Variants in EBF1 observed in about 807,000 individuals in gnomAD.
EBF1 encodes transcription factor COE1.
EBF1 carries 10 observed loss-of-function variants against 68.4 expected under a neutral mutation model. The observed-to-expected ratio is 0.15, with a 90% CI of 0.09 to 0.25. The LOEUF is 0.25. Among genes scored for constraint, EBF1 ranks in the 10% least tolerant of loss-of-function variants. The pLI, the probability that EBF1 is intolerant of heterozygous loss-of-function variation, is 1.00. For synonymous variants in EBF1, 298 were observed against 299.8 expected (o/e 0.99, Z 0.06); for missense variants, 509 against 794.4 (o/e 0.64, Z 4.32).
At chr5:158,825,924 T>TAA (rs758355276) in intron 7 of EBF1, among the ~76,000 whole-genome samples, 3 of 141,406 alleles carry the variant, frequency 2.1e-5, no homozygotes, top group African/African-American at 5.2e-5. Flanking sequence ...ACTTGTAAAT[T>TAA]AAAAAAAAAA....
chr5:158,709,174 G>C lies in EBF1; in HGVS notation c.1550-1001C>G, dbSNP rs1275960591. Among the ~76,000 whole-genome samples the C allele has an allele frequency of 5.9e-5, 9 of 152,212 alleles. 3 individuals are homozygous for C. Among genetic ancestry groups the C allele is most frequent in the Admixed American group, 5.9e-4 (9 of 15,284 alleles). ...CTTTCTATTTCCTCCATTTCCTGCA[G>C]GAAAGTATGTATCCTAGATATTTCT... On this transcript the variant is annotated intron_variant, in intron 14 of 15. Coordinates refer to ENST00000313708, the MANE Select transcript of EBF1 (RefSeq NM_024007.5).
chr5:158,931,978 T>C (rs1810981070), intron 6 of EBF1, among the ~76,000 whole-genome samples: 1 of 152,244 alleles, frequency 6.6e-6, no homozygotes, highest in Non-Finnish European at 1.5e-5. Context: ...ACCAGCCATA[T>C]GCTCTTTAAT....
intron 6 of EBF1, among the ~76,000 whole-genome samples, chr5:158,978,702 G>T (rs1757263753): frequency 6.6e-6 from 1 of 151,676 alleles, no homozygotes; most frequent in South Asian, 2.1e-4. Context: ...GGGCAAAGCT[G>T]CTTAATAGGC....
At chr5:159,009,902 T>A (rs1389976030) in intron 6 of EBF1, among the ~76,000 whole-genome samples, 1 of 152,202 alleles carries the variant, frequency 6.6e-6, no homozygotes, top group African/African-American at 2.4e-5. Flanking sequence ...TCTGCATAAT[T>A]TGTGGTTAGA....
chr5:158,876,713 T>C lies in EBF1; in HGVS notation c.555-36603A>G, dbSNP rs545106382. ...GGCATGAAAATACCTTTAGAATTTG[T>C]AAATCTCAAGGCAACCGAGTGAAAC... On this transcript the variant is annotated intron_variant, in intron 6 of 15. Transcript: ENST00000313708. Among the ~76,000 whole-genome samples the C allele has an allele frequency of 8.3e-4, 127 of 152,372 alleles. 1 individual carries two copies. The highest frequency in any genetic ancestry group is 1.1e-3 in the Non-Finnish European group (72 of 68,036).
At chr5:158,906,757 T>C (rs1804732567) in intron 6 of EBF1, among the ~76,000 whole-genome samples, 1 of 152,194 alleles carries the variant, frequency 6.6e-6, no homozygotes. Context: ...AACAATTTGC[T>C]CTTTGGTTCT....
At chr5:158,809,105 A>T (rs1199674234) in intron 8 of EBF1, among the ~76,000 whole-genome samples, 2 of 152,170 alleles carry the variant, frequency 1.3e-5, no homozygotes, top group African/African-American at 2.4e-5. Flanking sequence ...TCCCTTGCAG[A>T]CAGGGACCTC....
At chr5:158,793,769 G>A (rs754964410) in intron 9 of EBF1, among the ~76,000 whole-genome samples, 1 of 152,300 alleles carries the variant, frequency 6.6e-6, no homozygotes, top group Non-Finnish European at 1.5e-5. Flanking sequence ...CCCTTAGCAA[G>A]TCTGAGCTAT....
At chr5:158,996,006 C>T (rs1761340860) in intron 6 of EBF1, among the ~76,000 whole-genome samples, 1 of 152,136 alleles carries the variant, frequency 6.6e-6, no homozygotes, top group Non-Finnish European at 1.5e-5. Context: ...GGATCTCGGC[C>T]CTGTTTCTAG....
intron 6 of EBF1, among the ~76,000 whole-genome samples, chr5:159,028,907 G>A (rs1044630226): frequency 2.0e-5 from 3 of 152,242 alleles, no homozygotes; most frequent in Non-Finnish European, 2.9e-5. Context: ...AGGCCAGTGA[G>A]GCTGGAGTGT....
chr5:158,717,395 A>T (rs1760965725), intron 11 of EBF1, among the ~76,000 whole-genome samples: 1 of 152,138 alleles, frequency 6.6e-6, no homozygotes, highest in Non-Finnish European at 1.5e-5. Context: ...TTAAATTCTT[A>T]TTTTTTGTGG....
rs533272322 is a variant in EBF1, at chr5:158,869,483, C to G, written c.555-29373G>C. ...TTAACATCATTTCATTGCATGAAAT[C>G]CTTGAGACCCTCCTATTTCCTCTTC... On this transcript the variant is annotated intron_variant, in intron 6 of 15. Coordinates refer to ENST00000313708, the MANE Select transcript of EBF1 (RefSeq NM_024007.5). Among the ~76,000 whole-genome samples, 3 of 152,136 alleles carry G rather than the reference C, an allele frequency of 2.0e-5. No individual in the cohort carries two copies. The South Asian group carries it at 6.3e-4, about 32-fold the overall frequency.
intron 6 of EBF1, among the ~76,000 whole-genome samples, chr5:159,065,089 T>C (rs1184734010): frequency 6.6e-6 from 1 of 152,028 alleles, no homozygotes; most frequent in Non-Finnish European, 1.5e-5. Flanking sequence ...CAGATATTAC[T>C]AACAGATCAG....
At chr5:158,827,785 C>A (rs1010064667) in intron 7 of EBF1, among the ~76,000 whole-genome samples, 2 of 152,158 alleles carry the variant, frequency 1.3e-5, no homozygotes, top group African/African-American at 4.8e-5. Context: ...GGGGTTATGA[C>A]AAAAGCAACC....
chr5:158,934,074 A>T (rs541391988), intron 6 of EBF1, among the ~76,000 whole-genome samples: 2 of 152,306 alleles, frequency 1.3e-5, no homozygotes, highest in East Asian at 3.9e-4. Flanking sequence ...CCACAGGCAG[A>T]TTTCACCATG....
intron 11 of EBF1, among the ~76,000 whole-genome samples, chr5:158,725,136 T>C (rs891372208): frequency 2.0e-5 from 3 of 152,230 alleles, no homozygotes; most frequent in Admixed American, 2.0e-4. Flanking sequence ...GAAGCTACCG[T>C]GAGGATTTGC....
chr5:159,011,031 G>A (rs1262528424), intron 6 of EBF1, among the ~76,000 whole-genome samples: 3 of 152,190 alleles, frequency 2.0e-5, no homozygotes, highest in Admixed American at 6.5e-5. Context: ...ACTTTGCGGG[G>A]AGGGTGAGCC....
chr5:158,866,771 TTC>T (rs1367472766), intron 6 of EBF1, among the ~76,000 whole-genome samples: 4 of 148,232 alleles, frequency 2.7e-5, no homozygotes, highest in Non-Finnish European at 4.4e-5. Flanking sequence ...GGAAGATGAT[TTC>T]TTTCCAAACT....
chr5:159,085,883 T>C (rs1780554855), intron 4 of EBF1, among the ~76,000 whole-genome samples: 1 of 152,118 alleles, frequency 6.6e-6, no homozygotes, highest in Non-Finnish European at 1.5e-5. Context: ...CTGTAAATGA[T>C]GAATATAACT....
Sources: gnomAD v4.1 joint callset for allele counts (sites outside exome capture counted in the v4.1 genomes callset) on GRCh38, gnomAD v4.1.1 for gene constraint, MANE v1.5 for transcripts, NCBI Gene and HGNC (gene_info 2026-07-23, HGNC 2026-07-21) for gene names.